The following CCDC22 variants were observed in gnomAD, a reference collection of about 807,000 sequenced individuals.
CCDC22 encodes coiled-coil domain-containing protein 22.
Under a neutral mutation model 53.1 loss-of-function variants are expected in CCDC22, and 4 were observed. That is an observed-to-expected ratio of 0.08 (90% confidence interval 0.04 to 0.17). The LOEUF is 0.17. Ranked by LOEUF, CCDC22 falls within the 10% of genes least tolerant of loss-of-function variation. CCDC22 has a pLI of 1.00. For missense variants in CCDC22, 458 were observed against 554.0 expected (o/e 0.83, Z 1.74); for synonymous variants, 222 against 224.4 (o/e 0.99, Z 0.10).
chrX:49,235,565 G>A lies in CCDC22; in HGVS notation c.-72G>A. The A allele has an allele frequency of 1.0e-6, 1 of 961,675 alleles. No homozygotes were observed. Among genetic ancestry groups the A allele is most frequent in the Non-Finnish European group, 1.5e-6 (1 of 684,814 alleles). 79.3% of individuals were successfully genotyped at this position (961,675 alleles called of 1,213,427 possible). On this transcript the variant is annotated 5_prime_UTR_variant, in exon 1 of 17. Coordinates refer to ENST00000376227, the MANE Select transcript of CCDC22 (RefSeq NM_014008.5). The stretch of plus-strand genomic sequence containing the variant: ...CTGTGGACCGCGAGCACGGAGCAGG[G>A]TTTCTACAGCTGCTCCCCACTTTCT...
In CCDC22 at chrX:49,248,191, G is replaced by A; in HGVS notation, c.1093G>A (p.Ala365Thr). 1 of 1,202,100 alleles carries A rather than the reference G, an allele frequency of 8.3e-7. No individual in the cohort carries two copies. The change falls in exon 10 of 17, where the codon GCA (alanine) becomes ACA (threonine). Residue 365 changes from alanine to threonine, a missense_variant and splice_region_variant. Ala to Thr is a moderately conservative substitution (Grantham distance 58). Coordinates refer to ENST00000376227, the MANE Select transcript of CCDC22 (RefSeq NM_014008.5). ...ATGTGACTGGGTATCCACCGGCCAGGCAGAGTCTGAGTGCCGGCACAGCAA... is the reference window on the plus strand; with the variant it reads ...ATGTGACTGGGTATCCACCGGCCAGACAGAGTCTGAGTGCCGGCACAGCAA... ...MKTLGVSFVQ[A>T]ESECRHSKLS...
intron 2 of CCDC22, among the ~76,000 whole-genome samples, chrX:49,241,024 T>C (rs1476350206): frequency 8.9e-6 from 1 of 112,020 alleles, no homozygotes; most frequent in African/African-American, 3.3e-5. Flanking sequence ...AACCTTCTGC[T>C]ATATGTACTG....
At position 49,248,684 on chromosome X, in the gene CCDC22, C is replaced by G; in HGVS notation, c.1381C>G (p.Arg461Gly). 8.3e-7 allele frequency: 1 copy of G among 1,210,574 alleles called. No individual in the cohort carries two copies. The highest frequency in any genetic ancestry group is 1.1e-6 in the Non-Finnish European group (1 of 895,125). ...AEIQELHQSV[R>G]AAAEEARRKE... is the part of the protein sequence containing the mutation. The stretch of plus-strand genomic sequence containing the variant: ...GATCCAAGAACTGCACCAGAGTGTC[C>G]GGGCGGCTGCTGAAGAGGCCCGCAG... Residue 461 changes from arginine to glycine, a missense_variant, in exon 12 of 17, where the codon CGG becomes GGG. This residue lies in a region of CCDC22 where 309 missense variants were observed against 312.3 expected (regional missense o/e 0.99). Transcript: ENST00000376227.
In CCDC22 at chrX:49,235,496, A is replaced by G. The variant is rs112756704; in HGVS notation, c.-141A>G. 9,096 of 577,850 alleles carry G rather than the reference A, an allele frequency of 0.016. 563 individuals are homozygous for G. In the African/African-American group the frequency reaches 0.17, roughly 11 times the overall value. The allele number at this position is 577,850 out of a possible 1,213,427, so 47.6% of individuals were successfully genotyped here. ...CATCCGGCATGCGCCGTGCTCGCTCACAGAACTACACTTTCCAACTCTCCC... is the reference window on the plus strand; with the variant it reads ...CATCCGGCATGCGCCGTGCTCGCTCGCAGAACTACACTTTCCAACTCTCCC... On this transcript the variant is annotated 5_prime_UTR_variant, in exon 1 of 17. Transcript: ENST00000376227.
chrX:49,250,511 T>G lies in CCDC22; in HGVS notation c.*250T>G. The G allele has an allele frequency of 2.2e-6, 1 of 461,598 alleles. No individual in the cohort carries two copies. The highest frequency in any genetic ancestry group is 3.9e-6 in the Non-Finnish European group (1 of 253,182). 38.0% of individuals were successfully genotyped at this position (461,598 alleles called of 1,213,427 possible). A position where few individuals can be genotyped will look rare whatever the true frequency, so the allele number is the denominator to read the frequency against. On this transcript the variant is annotated 3_prime_UTR_variant, in exon 17 of 17. Coordinates refer to ENST00000376227, the MANE Select transcript of CCDC22 (RefSeq NM_014008.5). Reference sequence around the variant, plus strand: ...CCTTGGATCCCAAATAAATGAGTAGTTCCTCTGCAGTCTAAGCTGAGGCAT... The same window carrying G: ...CCTTGGATCCCAAATAAATGAGTAGGTCCTCTGCAGTCTAAGCTGAGGCAT...
intron 1 of CCDC22, among the ~76,000 whole-genome samples, chrX:49,236,389 G>A (rs781995190): frequency 2.7e-5 from 3 of 109,185 alleles, no homozygotes; most frequent in African/African-American, 1.0e-4. Context: ...TGTATTTTTA[G>A]CAGAGACAGG....
Position 49,249,634 on chromosome X carries a change from G to A in CCDC22, c.1696-17G>A, listed in dbSNP as rs2066014193. ...GGGTGGGACTGGGTGCAAGCCTTCT[G>A]CTCCTGTTGTCCCCAGAACTGCAGC... On this transcript the variant is annotated splice_polypyrimidine_tract_variant and intron_variant, in intron 15 of 16. Transcript: ENST00000376227. 1 of 1,209,226 alleles carries A rather than the reference G, an allele frequency of 8.3e-7. No individual in the cohort carries two copies. The highest frequency in any genetic ancestry group is 3.0e-5 in the East Asian group (1 of 33,848).
rs2065973541 is a variant in CCDC22 at position 49,243,345 on chromosome X, T to C, written c.597T>C (p.Pro199=). ...LLPVPTQVPQ[P]VGRVASLLEH... ...CAGTCCCTACCCAGGTGCCTCAGCC[T>C]GTTGGAAGGGTGGCCTCGCTCCTCG... Residue 199 remains proline, a synonymous_variant, in exon 6 of 17, where the codon CCT becomes CCC. Transcript: ENST00000376227. The C allele has an allele frequency of 4.2e-6, 5 of 1,203,360 alleles. No individual in the cohort carries two copies. The East Asian group carries it at 1.5e-4, about 36-fold the overall frequency.
rs2066011563 is a variant in CCDC22 at position 49,249,428 on chromosome X, T to TGGGA, written c.1636-79_1636-76dup. The TGGGA allele has an allele frequency of 3.1e-6, 3 of 966,457 alleles. No homozygotes were observed. In the African/African-American group the frequency reaches 5.7e-5, roughly 18 times the overall value. The allele number at this position is 966,457 out of a possible 1,213,427, so 79.6% of individuals were successfully genotyped here. A position where few individuals can be genotyped will look rare whatever the true frequency, so the allele number is the denominator to read the frequency against. On this transcript the variant is annotated intron_variant, in intron 14 of 16. Coordinates refer to ENST00000376227, the MANE Select transcript of CCDC22 (RefSeq NM_014008.5). ...ATGGAGGATGAAGCTAGTGGGGTGG[T>TGGGA]GGGAGAGGGTGGCCTTCTTAGGGCA...
intron 3 of CCDC22, chrX:49,242,377 G>T (rs1012236483): frequency 2.7e-6 from 2 of 730,551 alleles, no homozygotes; most frequent in Admixed American, 1.8e-4. Flanking sequence ...GCGGGGAGGG[G>T]CCTCCCTGAC....
intron 7 of CCDC22, chrX:49,247,229 C>T: frequency 2.3e-6 from 1 of 439,724 alleles, no homozygotes; most frequent in Non-Finnish European, 4.0e-6. Flanking sequence ...TGAGGGCCCC[C>T]CATCCTTCTC....
rs113618514 is a variant in CCDC22, at chrX:49,249,065, CCT to C, written c.1540-101_1540-100del. The stretch of plus-strand genomic sequence containing the variant: ...TCACACACAATCCATCCCAGTCACC[CCT>C]GACACAGTGACACAGTCCCTGTCTG... On this transcript the variant is annotated intron_variant, in intron 13 of 16. Coordinates refer to ENST00000376227, the MANE Select transcript of CCDC22 (RefSeq NM_014008.5). The C allele has an allele frequency of 1.3e-3, 1,422 of 1,115,088 alleles. 14 individuals carry two copies. The African/African-American group carries it at 0.022, about 17-fold the overall frequency. The allele number at this position is 1,115,088 out of a possible 1,213,427, so 91.9% of individuals were successfully genotyped here.
intron 6 of CCDC22, among the ~76,000 whole-genome samples, chrX:49,244,042 G>C (rs2065976960): frequency 8.9e-6 from 1 of 112,426 alleles, no homozygotes; most frequent in Non-Finnish European, 1.9e-5. Context: ...GCCCACCTTG[G>C]CCTCCCAAAG....
At position 49,248,314 on chromosome X, in the gene CCDC22, G is replaced by T. The variant is rs782736581; in HGVS notation, c.1212+4G>T. The T allele has an allele frequency of 2.2e-5, 26 of 1,195,608 alleles. No individual in the cohort carries two copies. The highest frequency in any genetic ancestry group is 2.9e-5 in the Non-Finnish European group (26 of 889,658). ...TGCCAACCTTGCCAAGCTGCAGGTGGGGTTGGGGCTGTAGCTGGGCGGAGA... is the reference window on the plus strand; with the variant it reads ...TGCCAACCTTGCCAAGCTGCAGGTGTGGTTGGGGCTGTAGCTGGGCGGAGA... On this transcript the variant is annotated splice_donor_region_variant and intron_variant, in intron 10 of 16. Transcript: ENST00000376227.
chrX:49,243,037 G>C, intron 4 of CCDC22, 45 bp downstream of exon 4: 1 of 1,136,279 alleles, frequency 8.8e-7, no homozygotes. Context: ...CCCCGTCTGG[G>C]TGCCCAGGGT....
intron 2 of CCDC22, among the ~76,000 whole-genome samples, chrX:49,239,911 T>C (rs1557113175): frequency 9.1e-6 from 1 of 109,872 alleles, no homozygotes; most frequent in African/African-American, 3.3e-5. Context: ...TTTGCTTACA[T>C]TGATTTTAGT....
At position 49,248,665 on chromosome X, in the gene CCDC22, A is replaced by G. The variant is rs782805611; in HGVS notation, c.1362A>G (p.Gln454=). ...CTTCTCGACGGCTGGCAGAGATCCA[A>G]GAACTGCACCAGAGTGTCCGGGCGG... The part of the protein sequence containing the change: ...LESSRRLAEI[Q]ELHQSVRAAA... The change falls in exon 12 of 17, where the codon CAA becomes CAG. Residue 454 remains glutamine, a synonymous_variant. Coordinates refer to ENST00000376227, the MANE Select transcript of CCDC22 (RefSeq NM_014008.5). The G allele has an allele frequency of 8.3e-7, 1 of 1,211,082 alleles. No individual in the cohort carries two copies. Among genetic ancestry groups the G allele is most frequent in the Non-Finnish European group, 1.1e-6 (1 of 895,299 alleles).
chrX:49,248,346 G>C (rs782746510), intron 10 of CCDC22, 36 bp downstream of exon 10: 2 of 1,159,275 alleles, frequency 1.7e-6, no homozygotes, highest in Non-Finnish European at 2.3e-6. Context: ...GAGAGGGGCA[G>C]GGTGGGGTGG....
rs200741513 is a variant in CCDC22 at position 49,242,117 on chromosome X, C to G, written c.330C>G (p.Thr110=). Residue 110 remains threonine, a synonymous_variant, in exon 3 of 17, where the codon ACC becomes ACG. Transcript: ENST00000376227. ...TCTTCTTGGCTGAGCGTCTGCCCAC[C>G]GATGCCTCTGAGGATGCAGACCAGC... The part of the protein sequence containing the change: ...LLLFLAERLP[T]DASEDADQPA... 16 of 1,207,950 alleles carry G rather than the reference C, an allele frequency of 1.3e-5. No individual in the cohort carries two copies. The highest frequency in any genetic ancestry group is 1.8e-5 in the African/African-American group (1 of 56,487).
Sources: gnomAD v4.1 joint callset for allele counts (sites outside exome capture counted in the v4.1 genomes callset) on GRCh38, gnomAD v4.1.1 for gene constraint, gnomAD v4.1.1 regional missense constraint, MANE v1.5 for transcripts, NCBI Gene and HGNC (gene_info 2026-07-23, HGNC 2026-07-21) for gene names.